Variants in CSNK1G1 observed in about 807,000 individuals in gnomAD.
The protein encoded by CSNK1G1 is casein kinase I isoform gamma-1.
CSNK1G1 carries 22 observed loss-of-function variants against 59.6 expected under a neutral mutation model. That is an observed-to-expected ratio of 0.37 (90% confidence interval 0.26 to 0.53). The LOEUF (loss-of-function observed/expected upper bound fraction) is 0.53. Among genes scored for constraint, CSNK1G1 ranks in the 20% least tolerant of loss-of-function variants. CSNK1G1 has a pLI of 0.89. For synonymous variants in CSNK1G1, 179 were observed against 177.1 expected (o/e 1.01, Z -0.08); for missense variants, 384 against 519.5 (o/e 0.74, Z 2.54).
chr15:64,197,937 T>C (rs1482949378), intron 10 of CSNK1G1, among the ~76,000 whole-genome samples: 3 of 152,028 alleles, frequency 2.0e-5, no homozygotes, highest in East Asian at 1.9e-4. Context: ...TTGTTGATCA[T>C]ATATTCTTCT....
At chr15:64,181,194 T>C (rs1310761036) in intron 10 of CSNK1G1, 1 of 1,526,220 alleles carries the variant, frequency 6.6e-7, no homozygotes, top group Non-Finnish European at 8.7e-7. Context: ...ATTTCAACGA[T>C]CTTTATTTCA....
intron 2 of CSNK1G1, among the ~76,000 whole-genome samples, chr15:64,263,249 CA>C (rs1375062508): frequency 6.6e-6 from 1 of 151,256 alleles, no homozygotes; most frequent in Non-Finnish European, 1.5e-5. Flanking sequence ...AGCGCAGTGG[CA>C]TGATCTCAGC....
chr15:64,253,397 C>T (rs191050701), intron 3 of CSNK1G1, among the ~76,000 whole-genome samples: 14 of 152,214 alleles, frequency 9.2e-5, no homozygotes, highest in East Asian at 1.9e-4. Context: ...ATTAGGATGG[C>T]TATTATCAAA....
chr15:64,258,891 C>A (rs1892538563), intron 3 of CSNK1G1, among the ~76,000 whole-genome samples: 1 of 151,848 alleles, frequency 6.6e-6, no homozygotes, highest in Admixed American at 6.6e-5. Context: ...ATGATTTTAT[C>A]TTTTTAAGAT....
chr15:64,264,956 C>G (rs1289073092), intron 2 of CSNK1G1, among the ~76,000 whole-genome samples: 2 of 152,144 alleles, frequency 1.3e-5, no homozygotes, highest in Non-Finnish European at 2.9e-5. Flanking sequence ...CCTCAAAAGA[C>G]TAGAACAAGA....
chr15:64,181,860 T>A (rs1250699755), intron 10 of CSNK1G1: 1 of 157,588 alleles, frequency 6.3e-6, no homozygotes. Flanking sequence ...TTTATTCTTA[T>A]CTGCCTCTAG....
rs533868270 is a variant in CSNK1G1 at position 64,229,902 on chromosome 15, ATTTTTTTTTTT to A, written c.293-13200_293-13190del. The stretch of plus-strand genomic sequence containing the variant: ...CCTATATTTTTGGGCATGTTTGTAA[ATTTTTTTTTTT>A]TTTTTTTTTTTTTTTTTTTTTTTTT... On this transcript the variant is annotated intron_variant, in intron 4 of 11. Coordinates refer to ENST00000303052, the MANE Select transcript of CSNK1G1 (RefSeq NM_022048.5). 2.8e-3 allele frequency among the ~76,000 whole-genome samples: 122 copies of A among 43,802 alleles called. 2 individuals are homozygous for A. The highest frequency in any genetic ancestry group is 4.5e-3 in the African/African-American group (53 of 11,846). The allele number at this position is 43,802 out of a possible 152,430, so 28.7% of individuals were successfully genotyped here.
rs537232303 is a variant in CSNK1G1 at position 64,283,818 on chromosome 15, C to A, written c.181+16501G>T. Among the ~76,000 whole-genome samples the A allele has an allele frequency of 3.3e-5, 5 of 152,294 alleles. No homozygotes were observed. The South Asian group carries it at 8.3e-4, about 25-fold the overall frequency. On this transcript the variant is annotated intron_variant, in intron 2 of 11. Transcript: ENST00000303052. ...TTTCTTGATGGTGTTCTTTGTCACA[C>A]AAAAGTTTTAAATTTTTATGAAATC... is the stretch of plus-strand genomic sequence containing the variant.
intron 4 of CSNK1G1, among the ~76,000 whole-genome samples, chr15:64,223,491 T>C (rs1441726041): frequency 2.6e-5 from 4 of 152,158 alleles, no homozygotes; most frequent in Admixed American, 1.3e-4. Context: ...CAATGGTATA[T>C]TGGAAACTAA....
chr15:64,221,218 G>C (rs897148969), intron 4 of CSNK1G1, among the ~76,000 whole-genome samples: 2 of 152,124 alleles, frequency 1.3e-5, no homozygotes, highest in Admixed American at 1.3e-4. Flanking sequence ...TAAAAGTCAG[G>C]CTTGCTTAGA....
chr15:64,317,469 T>C (rs568591257), intron 1 of CSNK1G1, among the ~76,000 whole-genome samples: 1 of 152,282 alleles, frequency 6.6e-6, no homozygotes, highest in South Asian at 2.1e-4. Context: ...TTTCCTATTA[T>C]GAACTATTAG....
intron 4 of CSNK1G1, among the ~76,000 whole-genome samples, chr15:64,229,029 A>G (rs1429669072): frequency 1.3e-5 from 2 of 151,848 alleles, no homozygotes; most frequent in East Asian, 1.9e-4. Flanking sequence ...AAAAAAAAAA[A>G]AAAAAAAAAG....
chr15:64,278,414 GTGTGTATATA>G (rs1464562537), intron 2 of CSNK1G1, among the ~76,000 whole-genome samples: 10 of 105,926 alleles, frequency 9.4e-5, no homozygotes, highest in African/African-American at 3.7e-4. Context: ...GTGTGTGTGT[GTGTGTATATA>G]TATATATATT....
intron 1 of CSNK1G1, among the ~76,000 whole-genome samples, chr15:64,305,553 C>T (rs1214659710): frequency 6.6e-6 from 1 of 151,264 alleles, no homozygotes. Context: ...CCTGTCTCTA[C>T]AAAATAAAAA....
At chr15:64,344,720 C>A (rs1276994774) in intron 1 of CSNK1G1, among the ~76,000 whole-genome samples, 1 of 152,208 alleles carries the variant, frequency 6.6e-6, no homozygotes, top group East Asian at 1.9e-4. Context: ...AGAAATAAGA[C>A]TACACTGAAT....
At chr15:64,237,213 G>A (rs1321090621) in intron 4 of CSNK1G1, among the ~76,000 whole-genome samples, 1 of 152,082 alleles carries the variant, frequency 6.6e-6, no homozygotes, top group Non-Finnish European at 1.5e-5. Context: ...TACAAACCCT[G>A]ACTTGACCAC....
Position 64,188,847 on chromosome 15 carries a change from GT to G in CSNK1G1, c.1108-8394del, listed in dbSNP as rs1259202078. ...AGATCAAACTCAGAATGTTAAGATTGTTCGGAGTGGTGGCATACGCCTATAA... is the reference window on the plus strand; with the variant it reads ...AGATCAAACTCAGAATGTTAAGATTGTCGGAGTGGTGGCATACGCCTATAA... On this transcript the variant is annotated intron_variant, in intron 10 of 11. Coordinates refer to ENST00000303052, the MANE Select transcript of CSNK1G1 (RefSeq NM_022048.5). The surrounding 1 kb of genome is among the most constrained non-coding windows in gnomAD (Gnocchi z 4.2). 6.6e-6 allele frequency among the ~76,000 whole-genome samples: 1 copy of G among 152,222 alleles called. No homozygotes were observed. The highest frequency in any genetic ancestry group is 6.5e-5 in the Admixed American group (1 of 15,288).
At chr15:64,191,824 T>C (rs2081976091) in intron 10 of CSNK1G1, among the ~76,000 whole-genome samples, 1 of 152,244 alleles carries the variant, frequency 6.6e-6, no homozygotes, top group Non-Finnish European at 1.5e-5. Flanking sequence ...AGTACAGATG[T>C]GAACCTAGGG....
rs1048104879 is a variant in CSNK1G1, at chr15:64,216,286, C to T, written c.444+276G>A. On this transcript the variant is annotated intron_variant, in intron 5 of 11. Transcript: ENST00000303052. The surrounding 1 kb of genome is among the most constrained non-coding windows in gnomAD (Gnocchi z 4.6). ...TCACATTTTTACAACTCCATCTAAT[C>T]GACCTCTTTCTCCCTAATCTAAATT... 6.6e-6 allele frequency among the ~76,000 whole-genome samples: 1 copy of T among 152,144 alleles called. No homozygotes were observed. The highest frequency in any genetic ancestry group is 1.5e-5 in the Non-Finnish European group (1 of 68,022).
Sources: gnomAD v4.1 joint callset for allele counts (sites outside exome capture counted in the v4.1 genomes callset) on GRCh38, gnomAD v4.1.1 for gene constraint, Gnocchi (gnomAD v3.1) non-coding constraint, MANE v1.5 for transcripts, NCBI Gene and HGNC (gene_info 2026-07-23, HGNC 2026-07-21) for gene names.